Variants in ZC3H13 observed in about 807,000 individuals in gnomAD.
ZC3H13 encodes zinc finger CCCH-type containing 13, also known as zinc finger CCCH domain-containing protein 13.
A neutral mutation model predicts 204.1 loss-of-function variants in ZC3H13; 64 were observed. The ratio of observed to expected loss-of-function variants is 0.31; its 90% CI spans 0.26 to 0.39. The LOEUF (loss-of-function observed/expected upper bound fraction) is 0.39. ZC3H13 is among the 10% of genes least tolerant of loss of function. The pLI is 1.00. For missense variants in ZC3H13, 1,833 were observed against 2,082.7 expected (o/e 0.88, Z 2.33); for synonymous variants, 667 against 693.7 (o/e 0.96, Z 0.60).
At position 45,964,017 on chromosome 13, in the gene ZC3H13, A is replaced by G; in HGVS notation, c.4500T>C (p.Asp1500=). The part of the protein sequence containing the change: ...MPDPLDVIDV[D]WSGLMPKHPK... ...GATGCTTTGGCATAAGACCAGACCAATCCACATCTATCACATCTAAGGGAT... is the reference window on the plus strand; with the variant it reads ...GATGCTTTGGCATAAGACCAGACCAGTCCACATCTATCACATCTAAGGGAT... The change falls in exon 17 of 19, where the codon GAT becomes GAC. Residue 1500 remains aspartate (D), a synonymous_variant. Coordinates refer to ENST00000679008, the MANE Select transcript of ZC3H13 (RefSeq NM_001330564.2). 1.2e-6 allele frequency: 2 copies of G among 1,613,848 alleles called. No homozygotes were observed. The highest frequency in any genetic ancestry group is 1.3e-5 in the African/African-American group (1 of 75,050).
chr13:45,990,954 C>T (rs978782030), intron 8 of ZC3H13, among the ~76,000 whole-genome samples: 5 of 152,170 alleles, frequency 3.3e-5, no homozygotes, highest in African/African-American at 1.2e-4. Flanking sequence ...CAGGCACATG[C>T]CACCACACTC....
chr13:45,980,681 T>A (rs1301904291), intron 10 of ZC3H13, among the ~76,000 whole-genome samples: 1 of 152,156 alleles, frequency 6.6e-6, no homozygotes, highest in African/African-American at 2.4e-5. Flanking sequence ...ACAGGATACA[T>A]ATAGCATTAT....
intron 7 of ZC3H13, among the ~76,000 whole-genome samples, chr13:46,008,055 G>GA (rs1403260299): frequency 6.6e-6 from 1 of 151,762 alleles, no homozygotes; most frequent in East Asian, 1.9e-4. Flanking sequence ...AGCTTTCAGG[G>GA]AAAAGTGTAA....
chr13:45,957,301 T>C lies in ZC3H13; in HGVS notation c.4840-4A>G. 6.8e-7 allele frequency: 1 copy of C among 1,477,916 alleles called. No individual in the cohort carries two copies. The highest frequency in any genetic ancestry group is 9.1e-7 in the Non-Finnish European group (1 of 1,104,780). 91.6% of individuals were successfully genotyped at this position (1,477,916 alleles called of 1,614,324 possible). A position where few individuals can be genotyped will look rare whatever the true frequency, so the allele number is the denominator to read the frequency against. On this transcript the variant is annotated splice_region_variant and splice_polypyrimidine_tract_variant and intron_variant, in intron 18 of 18. Transcript: ENST00000679008. ...TGTAAGCTTGTTTTATGGTGCCCTA[T>C]TTGAAGAAAACAAAAACAAACTTTA... is the stretch of plus-strand genomic sequence containing the variant.
chr13:46,006,797 G>A (rs1048602694), intron 7 of ZC3H13, among the ~76,000 whole-genome samples: 2 of 135,744 alleles, frequency 1.5e-5, no homozygotes, highest in Non-Finnish European at 3.1e-5. Flanking sequence ...AGAAAATGTA[G>A]CTCTCTTAGT....
intron 5 of ZC3H13, among the ~76,000 whole-genome samples, chr13:46,015,355 T>C (rs2041849182): frequency 6.6e-6 from 1 of 152,200 alleles, no homozygotes; most frequent in South Asian, 2.1e-4. Flanking sequence ...CTTATGTATT[T>C]GTAGAAACTC....
intron 4 of ZC3H13, among the ~76,000 whole-genome samples, chr13:46,034,661 T>C (rs1483578032): frequency 1.3e-5 from 2 of 152,144 alleles, no homozygotes; most frequent in Admixed American, 1.3e-4. Flanking sequence ...ATTGTGGTGG[T>C]AGTTATACAG....
chr13:46,016,448 T>G (rs543272557), intron 5 of ZC3H13, among the ~76,000 whole-genome samples: 1 of 152,254 alleles, frequency 6.6e-6, no homozygotes, highest in East Asian at 1.9e-4. Flanking sequence ...CAATCTCAGA[T>G]AATACTGTTA....
At chr13:45,992,684 G>A (rs1424934950) in intron 8 of ZC3H13, among the ~76,000 whole-genome samples, 4 of 152,180 alleles carry the variant, frequency 2.6e-5, no homozygotes, top group Admixed American at 2.0e-4. Context: ...TTCTGGGCAC[G>A]TCTGTGAGGG....
At chr13:46,008,266 AGAT>A (rs372511106) in intron 7 of ZC3H13, among the ~76,000 whole-genome samples, 1 of 152,032 alleles carries the variant, frequency 6.6e-6, no homozygotes, top group African/African-American at 2.4e-5. Flanking sequence ...TAAAATTAAA[AGAT>A]GATTACTTGA....
chr13:46,009,284 T>C (rs1270551713), intron 7 of ZC3H13, among the ~76,000 whole-genome samples: 1 of 152,174 alleles, frequency 6.6e-6, no homozygotes, highest in Non-Finnish European at 1.5e-5. Flanking sequence ...AATTTCATTC[T>C]ACAGAATGAA....
intron 3 of ZC3H13, among the ~76,000 whole-genome samples, chr13:46,044,411 G>C (rs2043801940): frequency 1.3e-5 from 2 of 151,922 alleles, no homozygotes; most frequent in South Asian, 4.1e-4. Context: ...GTTTAATCTA[G>C]CCAAGCCTTT....
At chr13:45,986,760 G>C (rs1954232579) in intron 9 of ZC3H13, among the ~76,000 whole-genome samples, 1 of 152,138 alleles carries the variant, frequency 6.6e-6, no homozygotes, top group African/African-American at 2.4e-5. Flanking sequence ...CTAGTCTAAG[G>C]CTATTTTGGC....
chr13:45,969,319 A>G lies in ZC3H13; in HGVS notation c.3225T>C (p.Arg1075=). Residue 1075 remains arginine, a synonymous_variant, in exon 14 of 19, where the codon CGT becomes CGC. Transcript: ENST00000679008. The part of the protein sequence containing the change: ...SDWSDEDVPD[R]TEVTEAEHTA... Reference sequence around the variant, plus strand: ...TATGCTCTGCTTCTGTCACCTCTGTACGGTCAGGGACATCCTCATCAGACC... The same window carrying G: ...TATGCTCTGCTTCTGTCACCTCTGTGCGGTCAGGGACATCCTCATCAGACC... 6.2e-7 allele frequency: 1 copy of G among 1,613,936 alleles called. No individual in the cohort carries two copies. The highest frequency in any genetic ancestry group is 8.5e-7 in the Non-Finnish European group (1 of 1,180,002).
At chr13:46,022,646 G>A (rs1263012025) in intron 4 of ZC3H13, among the ~76,000 whole-genome samples, 2 of 151,592 alleles carry the variant, frequency 1.3e-5, no homozygotes, top group African/African-American at 4.8e-5. Context: ...GAACATCTAA[G>A]TCTTGAAATA....
At chr13:46,047,710 A>C in intron 1 of ZC3H13, among the ~76,000 whole-genome samples, 1 of 138,830 alleles carries the variant, frequency 7.2e-6, no homozygotes, top group South Asian at 2.4e-4. Flanking sequence ...AATAATAAGT[A>C]AATGTATCAC....
intron 8 of ZC3H13, among the ~76,000 whole-genome samples, chr13:46,002,725 C>T (rs991132753): frequency 5.9e-5 from 9 of 152,028 alleles, no homozygotes; most frequent in African/African-American, 2.2e-4. Flanking sequence ...CAGTCAAATT[C>T]ACAGAAACAA....
At chr13:46,028,070 T>C (rs913672983) in intron 4 of ZC3H13, among the ~76,000 whole-genome samples, 1 of 152,146 alleles carries the variant, frequency 6.6e-6, no homozygotes, top group Non-Finnish European at 1.5e-5. Flanking sequence ...CCCAATGGTA[T>C]GTTGTCTACA....
intron 7 of ZC3H13, among the ~76,000 whole-genome samples, chr13:46,003,963 C>T (rs1749678640): frequency 6.6e-6 from 1 of 152,130 alleles, no homozygotes; most frequent in African/African-American, 2.4e-5. Context: ...ACCAAAGGCA[C>T]AGGTAACAAC....
Sources: gnomAD v4.1 joint callset for allele counts (sites outside exome capture counted in the v4.1 genomes callset) on GRCh38, gnomAD v4.1.1 for gene constraint, MANE v1.5 for transcripts, NCBI Gene and HGNC (gene_info 2026-07-23, HGNC 2026-07-21) for gene names.